IGSF21: variants seen among roughly 807,000 people sequenced by gnomAD.
The protein encoded by IGSF21 is immunoglobulin superfamily member 21.
Under a neutral mutation model 46.8 loss-of-function variants are expected in IGSF21, and 28 were observed. That is an observed-to-expected ratio of 0.60 (90% confidence interval 0.44 to 0.82). The LOEUF (loss-of-function observed/expected upper bound fraction) is 0.82, where lower values mean the gene tolerates loss of function less well. Among genes scored for constraint, IGSF21 ranks in the 40% least tolerant of loss-of-function variants. The pLI is 0.00. For missense variants in IGSF21, 624 were observed against 665.5 expected (o/e 0.94, Z 0.69); for synonymous variants, 284 against 273.6 (o/e 1.04, Z -0.38).
intron 8 of IGSF21, 125 bp from the exon 9 acceptor site, chr1:18,377,268 G>T: frequency 1.1e-6 from 1 of 932,440 alleles, no homozygotes. Context: ...TCCCCTGAAG[G>T]TTGTGTGGCT....
chr1:18,124,100 G>A (rs2124410393), intron 1 of IGSF21, among the ~76,000 whole-genome samples: 1 of 152,288 alleles, frequency 6.6e-6, no homozygotes, highest in East Asian at 1.9e-4. Flanking sequence ...TCTAACCCAG[G>A]CCCTGCAGCT....
chr1:18,284,629 C>T (rs1004394090), intron 2 of IGSF21, among the ~76,000 whole-genome samples: 2 of 152,230 alleles, frequency 1.3e-5, no homozygotes, highest in Admixed American at 1.3e-4. Flanking sequence ...TAGAAACAAT[C>T]AGTGACTTGC....
chr1:18,273,293 G>A (rs951419902), intron 2 of IGSF21, among the ~76,000 whole-genome samples: 2 of 150,194 alleles, frequency 1.3e-5, no homozygotes, highest in African/African-American at 4.9e-5. Flanking sequence ...CACCCACCTC[G>A]GCCTCCCAAA....
chr1:18,125,406 A>G (rs987293), intron 1 of IGSF21, among the ~76,000 whole-genome samples: 107,907 of 152,066 alleles, frequency 0.71, 39,481 homozygotes, highest in African/African-American at 0.87. Context: ...GTATCAGTAC[A>G]TGTTTAGGAA....
At chr1:18,138,507 C>T (rs1223582163) in intron 1 of IGSF21, among the ~76,000 whole-genome samples, 3 of 152,082 alleles carry the variant, frequency 2.0e-5, no homozygotes, top group Non-Finnish European at 4.4e-5. Flanking sequence ...GGGAATGACC[C>T]CAGGAGGTAG....
At chr1:18,237,233 G>T (rs1250549038) in intron 2 of IGSF21, among the ~76,000 whole-genome samples, 3 of 152,158 alleles carry the variant, frequency 2.0e-5, no homozygotes, top group African/African-American at 7.2e-5. Context: ...TTTGGTATTT[G>T]AAAGAAAAAT....
chr1:18,305,759 T>TGCCTCTATTTGCAAATA (rs2085419839), intron 3 of IGSF21, among the ~76,000 whole-genome samples: 1 of 152,244 alleles, frequency 6.6e-6, no homozygotes, highest in Non-Finnish European at 1.5e-5. Context: ...ACAAAATATG[T>TGCCTCTATTTGCAAATA]ACCATTGCCT....
chr1:18,156,429 A>C (rs58957149), intron 1 of IGSF21, among the ~76,000 whole-genome samples: 4,191 of 152,270 alleles, frequency 0.028, 194 homozygotes, highest in African/African-American at 0.096. Flanking sequence ...TTAAGGAAGC[A>C]CAGCAAGTAG....
At chr1:18,348,565 T>A (rs1372676874) in intron 4 of IGSF21, among the ~76,000 whole-genome samples, 1 of 152,164 alleles carries the variant, frequency 6.6e-6, no homozygotes, top group African/African-American at 2.4e-5. Context: ...TAATTACTAG[T>A]GATATGTGGC....
chr1:18,164,505 A>G (rs184878321), intron 1 of IGSF21, among the ~76,000 whole-genome samples: 47 of 152,142 alleles, frequency 3.1e-4, no homozygotes, highest in African/African-American at 1.1e-3. Context: ...CGCTCCCCCC[A>G]GCAATGTTGG....
At chr1:18,317,338 A>C (rs1350292062) in intron 3 of IGSF21, among the ~76,000 whole-genome samples, 2 of 152,164 alleles carry the variant, frequency 1.3e-5, no homozygotes, top group African/African-American at 4.8e-5. Context: ...AACTTTACAG[A>C]TTAAGAGACA....
At chr1:18,175,334 G>A (rs1438334230) in intron 1 of IGSF21, among the ~76,000 whole-genome samples, 2 of 152,218 alleles carry the variant, frequency 1.3e-5, no homozygotes, top group Admixed American at 1.3e-4. Context: ...AGAAGCTAAG[G>A]TTGAAGGAGG....
At chr1:18,164,605 T>G (rs1372016916) in intron 1 of IGSF21, among the ~76,000 whole-genome samples, 2 of 152,162 alleles carry the variant, frequency 1.3e-5, no homozygotes, top group African/African-American at 2.4e-5. Flanking sequence ...ATCAGTGCAA[T>G]TTTAACTGAT....
chr1:18,341,476 C>A (rs1234846946), intron 4 of IGSF21, among the ~76,000 whole-genome samples: 1 of 152,182 alleles, frequency 6.6e-6, no homozygotes, highest in East Asian at 1.9e-4. Context: ...CCAAGATTCC[C>A]TGTCTGACTC....
chr1:18,198,923 C>T (rs965854775), intron 1 of IGSF21, among the ~76,000 whole-genome samples: 4 of 151,844 alleles, frequency 2.6e-5, no homozygotes, highest in Non-Finnish European at 5.9e-5. Flanking sequence ...GCCCAGATGC[C>T]CCCCCAAAGC....
intron 3 of IGSF21, among the ~76,000 whole-genome samples, chr1:18,299,899 C>T (rs1557632089): frequency 1.3e-5 from 2 of 152,106 alleles, no homozygotes; most frequent in East Asian, 3.9e-4. Flanking sequence ...TCCTCCCAGC[C>T]ACTAGGGGGA....
intron 2 of IGSF21, among the ~76,000 whole-genome samples, chr1:18,244,218 C>T (rs1421935281): frequency 5.3e-5 from 8 of 152,228 alleles, no homozygotes; most frequent in Non-Finnish European, 1.0e-4. Flanking sequence ...TCAAGGGCAG[C>T]GCTCCATGCA....
intron 1 of IGSF21, among the ~76,000 whole-genome samples, chr1:18,148,991 C>T (rs9660184): frequency 0.26 from 39,307 of 152,164 alleles, 5,438 homozygotes; most frequent in East Asian, 0.45. Flanking sequence ...CGAGTTCTTA[C>T]GGTGTCAGCA....
intron 1 of IGSF21, among the ~76,000 whole-genome samples, chr1:18,225,971 C>T (rs2084562296): frequency 6.6e-6 from 1 of 152,204 alleles, no homozygotes; most frequent in African/African-American, 2.4e-5. Context: ...AAGTGGGAAT[C>T]ATAATAGTTC....
Sources: allele counts gnomAD v4.1 joint callset (sites outside exome capture counted in the v4.1 genomes callset), GRCh38; gene constraint gnomAD v4.1.1; transcripts MANE v1.5; gene names NCBI Gene and HGNC (gene_info 2026-07-23, HGNC 2026-07-21).